The following ASTN2 variants were observed in gnomAD, a reference collection of about 807,000 sequenced individuals.
ASTN2 encodes astrotactin 2.
Under a neutral mutation model 139.8 loss-of-function variants are expected in ASTN2, and 54 were observed. The observed-to-expected ratio is 0.39, with a 90% CI of 0.31 to 0.48. ASTN2 has a LOEUF of 0.48. Ranked by LOEUF, ASTN2 falls within the 20% of genes least tolerant of loss-of-function variation. ASTN2 has a pLI of 0.95. For missense variants in ASTN2, 1,565 were observed against 1,725.1 expected (o/e 0.91, Z 1.64); for synonymous variants, 756 against 719.5 (o/e 1.05, Z -0.81).
At chr9:116,998,439 T>TTA (rs1837082830) in intron 7 of ASTN2, among the ~76,000 whole-genome samples, 1 of 152,158 alleles carries the variant, frequency 6.6e-6, no homozygotes, top group African/African-American at 2.4e-5. Context: ...AACACACACT[T>TTA]TAGCCAGAGT....
At chr9:117,129,389 T>C (rs780104137) in intron 4 of ASTN2, among the ~76,000 whole-genome samples, 2 of 152,060 alleles carry the variant, frequency 1.3e-5, no homozygotes, top group African/African-American at 4.8e-5. Flanking sequence ...TTAAACTACA[T>C]CTAGCCCTAA....
chr9:116,906,008 G>A (rs1370434428), intron 10 of ASTN2, among the ~76,000 whole-genome samples: 1 of 151,960 alleles, frequency 6.6e-6, no homozygotes, highest in African/African-American at 2.4e-5. Flanking sequence ...CACAGCCTTG[G>A]AGAAGCAGCA....
chr9:116,834,239 T>C (rs1831915354), intron 11 of ASTN2, among the ~76,000 whole-genome samples: 1 of 152,250 alleles, frequency 6.6e-6, no homozygotes, highest in East Asian at 1.9e-4. Context: ...ATGTGTCCTG[T>C]AGGCACTTGA....
At chr9:117,211,110 A>G (rs1007538475) in intron 3 of ASTN2, among the ~76,000 whole-genome samples, 1 of 152,184 alleles carries the variant, frequency 6.6e-6, no homozygotes, top group Non-Finnish European at 1.5e-5. Context: ...CTAACATCTT[A>G]CCAAACAAGA....
At chr9:116,467,290 C>G (rs1848676200) in intron 20 of ASTN2, among the ~76,000 whole-genome samples, 1 of 151,810 alleles carries the variant, frequency 6.6e-6, no homozygotes, top group Non-Finnish European at 1.5e-5. Flanking sequence ...TCTTTTGAGA[C>G]AGAGTCTCGC....
chr9:117,001,730 T>G (rs1312455814), intron 7 of ASTN2, among the ~76,000 whole-genome samples: 4 of 152,190 alleles, frequency 2.6e-5, no homozygotes, highest in Admixed American at 6.5e-5. Context: ...TCATGATGTA[T>G]CTCCTGAAAT....
chr9:116,756,382 C>T (rs1829532614), intron 13 of ASTN2, among the ~76,000 whole-genome samples: 1 of 152,138 alleles, frequency 6.6e-6, no homozygotes, highest in Non-Finnish European at 1.5e-5. Flanking sequence ...TATCAACCTT[C>T]TAAGGTTGTT....
intron 10 of ASTN2, among the ~76,000 whole-genome samples, chr9:116,965,033 G>T (rs890302439): frequency 2.0e-5 from 3 of 152,288 alleles, no homozygotes; most frequent in African/African-American, 7.2e-5. Context: ...ATACCATCAG[G>T]TTCAGAGATG....
At position 116,928,412 on chromosome 9, in the gene ASTN2, A is replaced by C. The variant is rs375662366; in HGVS notation, c.1889+46796T>G. 2.6e-5 allele frequency among the ~76,000 whole-genome samples: 4 copies of C among 152,208 alleles called. No individual in the cohort carries two copies. The East Asian group carries it at 7.7e-4, about 29-fold the overall frequency. On this transcript the variant is annotated intron_variant, in intron 10 of 22. Coordinates refer to ENST00000313400, the MANE Select transcript of ASTN2 (RefSeq NM_001365068.1). ...AAAAAAATTCCACATATAGATTTGA[A>C]GACTAATGGGCAGTCATACACCCCT...
intron 11 of ASTN2, among the ~76,000 whole-genome samples, chr9:116,855,691 G>C (rs983633921): frequency 1.3e-5 from 2 of 152,154 alleles, no homozygotes; most frequent in Non-Finnish European, 2.9e-5. Context: ...AAGAGAATGA[G>C]CTTTGGAGTT....
At chr9:116,849,514 G>T (rs979099910) in intron 11 of ASTN2, among the ~76,000 whole-genome samples, 12 of 152,104 alleles carry the variant, frequency 7.9e-5, no homozygotes, top group African/African-American at 2.9e-4. Context: ...TAATTTGCAG[G>T]TACTATTATT....
At chr9:116,805,528 C>T (rs939695467) in intron 13 of ASTN2, 104 bp downstream of exon 13, 2 of 1,056,172 alleles carry the variant, frequency 1.9e-6, no homozygotes, top group Non-Finnish European at 1.4e-6. Flanking sequence ...GTGATGCTGG[C>T]CAGAATAACA....
At position 116,656,773 on chromosome 9, in the gene ASTN2, G is replaced by A. The variant is rs957368808; in HGVS notation, c.2807-4980C>T. On this transcript the variant is annotated intron_variant, in intron 16 of 22. Coordinates refer to ENST00000313400, the MANE Select transcript of ASTN2 (RefSeq NM_001365068.1). The stretch of plus-strand genomic sequence containing the variant: ...CTTTTCGGCAGGAGATGATGGCACC[G>A]CTTGCCCTCATCCAGAAAACAAAAC... Among the ~76,000 whole-genome samples the A allele has an allele frequency of 2.9e-4, 43 of 150,342 alleles. 1 individual carries two copies. Among genetic ancestry groups the A allele is most frequent in the African/African-American group, 9.3e-4 (38 of 40,982 alleles).
chr9:117,392,955 AT>A (rs1307775143), intron 1 of ASTN2, among the ~76,000 whole-genome samples: 3 of 152,220 alleles, frequency 2.0e-5, no homozygotes, highest in Non-Finnish European at 4.4e-5. Context: ...TCATGGACAA[AT>A]TGGCACAAGA....
chr9:116,954,619 C>T (rs954559776), intron 10 of ASTN2, among the ~76,000 whole-genome samples: 31 of 152,084 alleles, frequency 2.0e-4, no homozygotes, highest in African/African-American at 6.0e-4. Context: ...ATTGATAATA[C>T]GTAAACAAAT....
At chr9:117,231,950 T>A (rs1438990060) in intron 2 of ASTN2, among the ~76,000 whole-genome samples, 2 of 152,158 alleles carry the variant, frequency 1.3e-5, no homozygotes, top group Non-Finnish European at 2.9e-5. Flanking sequence ...ACCTTCCTTT[T>A]CTCATCATTG....
At chr9:116,979,955 GT>G (rs1236594956) in intron 7 of ASTN2, among the ~76,000 whole-genome samples, 2 of 152,166 alleles carry the variant, frequency 1.3e-5, no homozygotes, top group African/African-American at 4.8e-5. Flanking sequence ...TACCAGGCAA[GT>G]TTTCCCTGAC....
At chr9:116,867,677 T>C (rs1833054008) in intron 10 of ASTN2, among the ~76,000 whole-genome samples, 1 of 151,588 alleles carries the variant, frequency 6.6e-6, no homozygotes, top group Non-Finnish European at 1.5e-5. Flanking sequence ...CTCTGGAAGC[T>C]AGAGACAGTT....
intron 13 of ASTN2, among the ~76,000 whole-genome samples, chr9:116,803,520 A>ATT (rs1564276242): frequency 1.2e-3 from 5 of 4,058 alleles, no homozygotes; most frequent in African/African-American, 2.2e-3. Flanking sequence ...ATATATATAT[A>ATT]TATTTTTTTT....
Sources: gnomAD v4.1 joint callset for allele counts (sites outside exome capture counted in the v4.1 genomes callset) on GRCh38, gnomAD v4.1.1 for gene constraint, MANE v1.5 for transcripts, NCBI Gene and HGNC (gene_info 2026-07-23, HGNC 2026-07-21) for gene names.